The following ZNF473 variants were observed in gnomAD, a reference collection of about 807,000 sequenced individuals.
The protein encoded by ZNF473 is zinc finger protein 473.
ZNF473 carries 4 observed loss-of-function variants against 11.1 expected under a neutral mutation model. The observed-to-expected ratio is 0.36, with a 90% CI of 0.18 to 0.82. The LOEUF (loss-of-function observed/expected upper bound fraction) is 0.82, where lower values mean the gene tolerates loss of function less well. Among genes scored for constraint, ZNF473 ranks in the 40% least tolerant of loss-of-function variants. ZNF473 has a pLI of 0.49. For missense variants in ZNF473, 854 were observed against 1,084.0 expected (o/e 0.79, Z 2.98); for synonymous variants, 404 against 390.4 (o/e 1.03, Z -0.41).
At chr19:50,032,291 G>A (rs1405443319) in intron 2 of ZNF473, among the ~76,000 whole-genome samples, 2 of 151,350 alleles carry the variant, frequency 1.3e-5, no homozygotes, top group Non-Finnish European at 1.5e-5. Flanking sequence ...ACAGGATATA[G>A]ACAGCAACAG....
chr19:50,030,997 C>G lies in ZNF473; in HGVS notation c.-86C>G. On this transcript the variant is annotated 5_prime_UTR_variant, in exon 2 of 5. Transcript: ENST00000270617. ...TGGAAGGGAGGCTTTCTCACAGCTC[C>G]CTTGTGCTTCCCACAGCCCTGCCAG... 6.5e-7 allele frequency: 1 copy of G among 1,542,498 alleles called. No individual in the cohort carries two copies. Among genetic ancestry groups the G allele is most frequent in the Non-Finnish European group, 8.8e-7 (1 of 1,139,590 alleles).
chr19:50,048,643 CTA>C lies in ZNF473; in HGVS notation c.*1586_*1587del, dbSNP rs748894970. Reference sequence around the variant, plus strand: ...GCAGGGCTGTGACACAATAGGGACTCTATGGAAAACTGGCAGCCATTGGGTGT... The same window carrying C: ...GCAGGGCTGTGACACAATAGGGACTCTGGAAAACTGGCAGCCATTGGGTGT... On this transcript the variant is annotated 3_prime_UTR_variant, in exon 5 of 5. Coordinates refer to ENST00000270617, the MANE Select transcript of ZNF473 (RefSeq NM_015428.4). 6 of 152,292 alleles carry C rather than the reference CTA, an allele frequency of 3.9e-5. No individual in the cohort carries two copies. Among genetic ancestry groups the C allele is most frequent in the African/African-American group, 7.2e-5 (3 of 41,474 alleles). The allele number at this position is 152,292 out of a possible 1,614,324, so 9.4% of individuals were successfully genotyped here.
chr19:50,034,030 A>G lies in ZNF473; in HGVS notation c.9+2939A>G, dbSNP rs568802055. Among the ~76,000 whole-genome samples, 3 of 152,352 alleles carry G rather than the reference A, an allele frequency of 2.0e-5. No homozygotes were observed. The East Asian group carries it at 5.8e-4, about 29-fold the overall frequency. ...TGTGGGGTGGCGGCATTATTCGGCC[A>G]TGACAATCTACAGGATATCTCAAAC... On this transcript the variant is annotated intron_variant, in intron 2 of 4. Coordinates refer to ENST00000270617, the MANE Select transcript of ZNF473 (RefSeq NM_015428.4).
At position 50,035,325 on chromosome 19, in the gene ZNF473, C is replaced by T. The variant is rs374607269; in HGVS notation, c.10-3836C>T. On this transcript the variant is annotated intron_variant, in intron 2 of 4. Coordinates refer to ENST00000270617, the MANE Select transcript of ZNF473 (RefSeq NM_015428.4). ...AAAATTTATCTACTATTTGTCTAGT[C>T]GACGGTAGAGTTCATATAGGACAGG... is the stretch of plus-strand genomic sequence containing the variant. Among the ~76,000 whole-genome samples the T allele has an allele frequency of 1.1e-4, 16 of 151,992 alleles. No individual in the cohort carries two copies. In the South Asian group the frequency reaches 2.3e-3, roughly 22 times the overall value.
chr19:50,036,367 G>A (rs935179393), intron 2 of ZNF473, among the ~76,000 whole-genome samples: 1 of 137,090 alleles, frequency 7.3e-6, no homozygotes, highest in African/African-American at 2.8e-5. Context: ...AGGCTGGAGT[G>A]CAGTGGCGCA....
At chr19:50,031,213 A>C (rs1568833510) in intron 2 of ZNF473, 122 bp downstream of exon 2, 1 of 1,362,412 alleles carries the variant, frequency 7.3e-7, no homozygotes, top group Non-Finnish European at 1.0e-6. Flanking sequence ...ATGGCAGGAA[A>C]GCTGGCCTTC....
rs1978782658 is a variant in ZNF473, at chr19:50,041,734, C to G, written c.141C>G (p.Pro47=). The change falls in exon 4 of 5, where the codon CCC becomes CCG. Residue 47 remains proline, a synonymous_variant. Transcript: ENST00000270617. ...DNCQDLFLLD[P]PRPNLTSHPD... Reference sequence around the variant, plus strand: ...AATGCTTTTCTCTCCCTGCAGACCCCCCAAGACCCAACCTGACCTCCCACC... The same window carrying G: ...AATGCTTTTCTCTCCCTGCAGACCCGCCAAGACCCAACCTGACCTCCCACC... The G allele has an allele frequency of 6.2e-7, 1 of 1,610,612 alleles. No homozygotes were observed.
At chr19:50,032,156 GC>G (rs1385229693) in intron 2 of ZNF473, among the ~76,000 whole-genome samples, 1 of 148,768 alleles carries the variant, frequency 6.7e-6, no homozygotes, top group Non-Finnish European at 1.5e-5. Context: ...GATCTAGTCT[GC>G]CCCGTCTTCC....
At chr19:50,035,452 C>CGTGT (rs3222106) in intron 2 of ZNF473, among the ~76,000 whole-genome samples, 20,695 of 138,274 alleles carry the variant, frequency 0.15, 1,660 homozygotes, top group East Asian at 0.25. Context: ...TTCTTTCATA[C>CGTGT]GTGTGTGTGT....
In ZNF473 at chr19:50,039,173, C is replaced by T; in HGVS notation, c.22C>T (p.Leu8Phe). The change falls in exon 3 of 5, where the codon CTC becomes TTC. Residue 8 changes from leucine (L) to phenylalanine (F), a missense_variant. By Grantham distance (22) the Leu-to-Phe change is conservative. Coordinates refer to ENST00000270617, the MANE Select transcript of ZNF473 (RefSeq NM_015428.4). This position sits in a 1 kb window ranked among gnomAD's most constrained non-coding sequence, Gnocchi z 4.8. MAEEFVT[L>F]KDVGMDFTLG... ...TACTGTGTTTCAGGAATTTGTGACC[C>T]TCAAGGATGTCGGCATGGACTTCAC... 1 of 1,614,088 alleles carries T rather than the reference C, an allele frequency of 6.2e-7. No homozygotes were observed. Among genetic ancestry groups the T allele is most frequent in the Non-Finnish European group, 8.5e-7 (1 of 1,179,948 alleles).
chr19:50,030,893 G>T lies in ZNF473; in HGVS notation c.-190G>T. On this transcript the variant is annotated splice_region_variant and 5_prime_UTR_variant, in exon 2 of 5. Transcript: ENST00000270617. ...TATAGTTGTTGTTGTCCCCTGCAGG[G>T]AGACTCACATTGGGACTTGTCCTCC... 2 of 732,408 alleles carry T rather than the reference G, an allele frequency of 2.7e-6. No homozygotes were observed. Among genetic ancestry groups the T allele is most frequent in the South Asian group, 3.4e-5 (2 of 58,912 alleles). 45.4% of individuals were successfully genotyped at this position (732,408 alleles called of 1,614,324 possible). A position where few individuals can be genotyped will look rare whatever the true frequency, so the allele number is the denominator to read the frequency against.
chr19:50,039,264 A>G lies in ZNF473; in HGVS notation c.113A>G (p.Asn38Ser), dbSNP rs745576637. 6.2e-7 allele frequency: 1 copy of G among 1,614,070 alleles called. No individual in the cohort carries two copies. The highest frequency in any genetic ancestry group is 1.3e-5 in the African/African-American group (1 of 75,042). Residue 38 changes from asparagine (N) to serine (S), a missense_variant, in exon 3 of 5, where the codon AAT becomes AGT. Asn to Ser is a conservative substitution (Grantham distance 46, BLOSUM62 1). Coordinates refer to ENST00000270617, the MANE Select transcript of ZNF473 (RefSeq NM_015428.4). The surrounding 1 kb of genome is among the most constrained non-coding windows in gnomAD (Gnocchi z 4.8). ...GDTFWDTALDNCQDLFLLDPP... is the reference protein window; with the variant it reads ...GDTFWDTALDSCQDLFLLDPP... Reference sequence around the variant, plus strand: ...ACGTTCTGGGACACAGCGTTGGACAATTGCCAGGACCTCTTCCTGCTGGGT... The same window carrying G: ...ACGTTCTGGGACACAGCGTTGGACAGTTGCCAGGACCTCTTCCTGCTGGGT...
chr19:50,033,522 G>A (rs959744507), intron 2 of ZNF473, among the ~76,000 whole-genome samples: 1 of 152,128 alleles, frequency 6.6e-6, no homozygotes, highest in African/African-American at 2.4e-5. Flanking sequence ...CCCCTTGCTC[G>A]TCCACCCAAT....
intron 1 of ZNF473, among the ~76,000 whole-genome samples, chr19:50,026,792 GAAAGA>G (rs527701206): frequency 9.2e-4 from 140 of 152,208 alleles, no homozygotes; most frequent in Middle Eastern, 3.4e-3. Context: ...AGTGAGCTGA[GAAAGA>G]AAAGAAAAGA....
Position 50,046,495 on chromosome 19 carries a change from C to T in ZNF473, c.2052C>T (p.Thr684=). 1 of 1,614,202 alleles carries T rather than the reference C, an allele frequency of 6.2e-7. No homozygotes were observed. Among genetic ancestry groups the T allele is most frequent in the East Asian group, 2.2e-5 (1 of 44,884 alleles). ...GTAGTAAGTGTGACAGAGTCTTCAC[C>T]CAGAGAAACTACCTTGTTCAGCATG... ...FKCSKCDRVF[T]QRNYLVQHER... The change falls in exon 5 of 5, where the codon ACC becomes ACT. Residue 684 remains threonine (T), a synonymous_variant. Coordinates refer to ENST00000270617, the MANE Select transcript of ZNF473 (RefSeq NM_015428.4). The surrounding 1 kb of genome is among the most constrained non-coding windows in gnomAD (Gnocchi z 5.9).
In ZNF473 at chr19:50,047,270, A is replaced by C. The variant is rs932239976; in HGVS notation, c.*211A>C. ...CAGAGGTAGGCTCTGGAGCCAGTCT[A>C]CCTTGAGTTAAATCCCACCTCTGCC... On this transcript the variant is annotated 3_prime_UTR_variant, in exon 5 of 5. Transcript: ENST00000270617. The C allele has an allele frequency of 1.9e-6, 1 of 535,122 alleles. No individual in the cohort carries two copies. Among genetic ancestry groups the C allele is most frequent in the African/African-American group, 1.9e-5 (1 of 52,914 alleles). 33.1% of individuals were successfully genotyped at this position (535,122 alleles called of 1,614,324 possible).
intron 1 of ZNF473, among the ~76,000 whole-genome samples, chr19:50,027,315 C>G (rs1221990557): frequency 6.6e-6 from 1 of 152,116 alleles, no homozygotes; most frequent in Non-Finnish European, 1.5e-5. Flanking sequence ...GTTTATAAAT[C>G]AAGTTCTGGT....
chr19:50,034,936 T>G (rs75910685), intron 2 of ZNF473, among the ~76,000 whole-genome samples: 1 of 152,288 alleles, frequency 6.6e-6, no homozygotes, highest in East Asian at 1.9e-4. Flanking sequence ...CACCTGTTCA[T>G]TCATCAGGGC....
In ZNF473 at chr19:50,044,851, T is replaced by G; in HGVS notation, c.408T>G (p.Asp136Glu). ...LGDPESLLRS[D>E]IATNGESPTE... ...ATCCAGAAAGTCTTCTGAGGTCTGA[T>G]ATTGCCACCAACGGGGAAAGTCCCA... The change falls in exon 5 of 5, where the codon GAT becomes GAG. Residue 136 changes from aspartate to glutamate, a missense_variant. Physicochemically the swap from Asp to Glu is conservative, Grantham distance 45. Around this residue, in one of 2 missense-constraint regions of ZNF473, gnomAD observed 668 missense variants for 790.2 expected, o/e 0.85. Coordinates refer to ENST00000270617, the MANE Select transcript of ZNF473 (RefSeq NM_015428.4). 1.2e-6 allele frequency: 2 copies of G among 1,614,226 alleles called. No individual in the cohort carries two copies. The highest frequency in any genetic ancestry group is 1.7e-6 in the Non-Finnish European group (2 of 1,180,042).
Sources: allele counts gnomAD v4.1 joint callset (sites outside exome capture counted in the v4.1 genomes callset), GRCh38; gene constraint gnomAD v4.1.1; regional missense constraint gnomAD v4.1.1; non-coding constraint Gnocchi (gnomAD v3.1); transcripts MANE v1.5; gene names NCBI Gene and HGNC (gene_info 2026-07-23, HGNC 2026-07-21).